ADAMTSL1: variants seen among roughly 807,000 people sequenced by gnomAD.
ADAMTSL1 encodes the protein ADAMTS-like protein 1.
ADAMTSL1 carries 126 observed loss-of-function variants against 201.8 expected under a neutral mutation model. The ratio of observed to expected loss-of-function variants is 0.62; its 90% CI spans 0.54 to 0.72. The LOEUF is 0.72. ADAMTSL1 is among the 30% of genes least tolerant of loss of function. The pLI is 0.00. For missense variants in ADAMTSL1, 2,679 were observed against 2,277.8 expected, an observed-to-expected ratio of 1.18 and a Z score of -3.59; for synonymous variants, 1,121 against 903.4, an observed-to-expected ratio of 1.24 and a Z score of -4.32.
chr9:18,465,117 C>T (rs1050516747), intron 2 of ADAMTSL1, among the ~76,000 whole-genome samples: 1 of 152,198 alleles, frequency 6.6e-6, no homozygotes, highest in African/African-American at 2.4e-5. Context: ...ATTCCACCTA[C>T]ACATGTTTCT....
At chr9:18,480,832 T>C (rs1175789606) in intron 1 of ADAMTSL1, among the ~76,000 whole-genome samples, 3 of 151,990 alleles carry the variant, frequency 2.0e-5, no homozygotes, top group African/African-American at 7.2e-5. Flanking sequence ...ACAGGGAAAA[T>C]AGGAAAATGG....
intron 1 of ADAMTSL1, among the ~76,000 whole-genome samples, chr9:18,141,407 C>T (rs1247576893): frequency 6.6e-6 from 1 of 152,152 alleles, no homozygotes; most frequent in African/African-American, 2.4e-5. Flanking sequence ...CCCCAGAACA[C>T]CAGGCCAGCT....
At chr9:18,682,210 A>G (rs1244642584) in intron 12 of ADAMTSL1, among the ~76,000 whole-genome samples, 1 of 152,194 alleles carries the variant, frequency 6.6e-6, no homozygotes, top group African/African-American at 2.4e-5. Flanking sequence ...TTGTTTGAGG[A>G]CTATTGCTGA....
chr9:18,242,792 G>C (rs1030619392), intron 2 of ADAMTSL1, among the ~76,000 whole-genome samples: 1 of 151,888 alleles, frequency 6.6e-6, no homozygotes, highest in Non-Finnish European at 1.5e-5. Flanking sequence ...ATTTAACCAA[G>C]GAGGTGAACA....
At chr9:18,443,845 G>A (rs1008477864) in intron 2 of ADAMTSL1, among the ~76,000 whole-genome samples, 19 of 152,170 alleles carry the variant, frequency 1.2e-4, no homozygotes, top group African/African-American at 4.6e-4. Context: ...TTGTCAACAT[G>A]CATTTGAATA....
intron 1 of ADAMTSL1, among the ~76,000 whole-genome samples, chr9:18,476,518 T>A (rs1051706877): frequency 2.0e-5 from 3 of 152,192 alleles, no homozygotes; most frequent in African/African-American, 7.2e-5. Flanking sequence ...GCTCATTAAC[T>A]GCCCCCTTTA....
chr9:18,736,210 G>A (rs568166374), intron 15 of ADAMTSL1, among the ~76,000 whole-genome samples: 5 of 152,150 alleles, frequency 3.3e-5, no homozygotes, highest in Admixed American at 6.5e-5. Context: ...CACAAGATGC[G>A]CCCCACTGTC....
At chr9:18,060,088 C>T (rs60685907) in intron 1 of ADAMTSL1, among the ~76,000 whole-genome samples, 1 of 152,070 alleles carries the variant, frequency 6.6e-6, no homozygotes, top group Non-Finnish European at 1.5e-5. Flanking sequence ...TGTGACTTAC[C>T]TATCCTTCCA....
intron 11 of ADAMTSL1, 35 bp downstream of exon 11, chr9:18,680,551 G>C: frequency 6.2e-7 from 1 of 1,606,418 alleles, no homozygotes; most frequent in South Asian, 1.1e-5. Flanking sequence ...CATTAGGAGA[G>C]TAAGTCCACT....
At chr9:18,666,131 C>G (rs977030348) in intron 9 of ADAMTSL1, among the ~76,000 whole-genome samples, 1 of 152,164 alleles carries the variant, frequency 6.6e-6, no homozygotes, top group African/African-American at 2.4e-5. Flanking sequence ...TTTAAGTTCA[C>G]TGGACTATAA....
At chr9:18,907,109 C>A (rs1026875596) in intron 28 of ADAMTSL1, 197 bp downstream of exon 28, 2 of 607,578 alleles carry the variant, frequency 3.3e-6, no homozygotes, top group Admixed American at 3.2e-5. Flanking sequence ...ACAGGGTATG[C>A]CCCAAGGGCT....
rs540028029 is a variant in ADAMTSL1 at position 18,634,896 on chromosome 9, T to G, written c.602-1047T>G. Among the ~76,000 whole-genome samples, 3 of 125,898 alleles carry G rather than the reference T, an allele frequency of 2.4e-5. No individual in the cohort carries two copies. The South Asian group carries it at 7.3e-4, about 31-fold the overall frequency. The allele number at this position is 125,898 out of a possible 152,430, so 82.6% of individuals were successfully genotyped here. A position where few individuals can be genotyped will look rare whatever the true frequency, so the allele number is the denominator to read the frequency against. On this transcript the variant is annotated intron_variant, in intron 5 of 28. Coordinates refer to ENST00000380548, the MANE Select transcript of ADAMTSL1 (RefSeq NM_001040272.6). The stretch of plus-strand genomic sequence containing the variant: ...ATATTTATATATATAAATATGTATG[T>G]AAATATATATTTAATATATATATAT...
At chr9:18,011,044 G>C (rs1375198216) in intron 1 of ADAMTSL1, among the ~76,000 whole-genome samples, 2 of 151,898 alleles carry the variant, frequency 1.3e-5, no homozygotes, top group African/African-American at 4.8e-5. Context: ...GAATTCTTTA[G>C]AACACAGTCT....
At chr9:18,853,889 C>CTGTGTG (rs71333070) in intron 23 of ADAMTSL1, among the ~76,000 whole-genome samples, 1,236 of 120,320 alleles carry the variant, frequency 0.01, 11 homozygotes, top group Middle Eastern at 0.017. Context: ...TATTCACTCT[C>CTGTGTG]TGTGTGTGTG....
Position 18,777,814 on chromosome 9 carries a change from A to G in ADAMTSL1, c.3585A>G (p.Thr1195=). The G allele has an allele frequency of 1.9e-6, 3 of 1,613,724 alleles. No homozygotes were observed. The highest frequency in any genetic ancestry group is 1.7e-6 in the Non-Finnish European group (2 of 1,179,776). ...LGQTVALASG[T]LSVLLHCEAI... ...AGACGGTGGCCCTGGCCAGCGGGAC[A>G]CTGAGTGTTCTTCTGCACTGTGAGG... The change falls in exon 19 of 29, where the codon ACA becomes ACG. Residue 1195 remains threonine, a synonymous_variant. Transcript: ENST00000380548.
At chr9:18,064,859 T>C (rs1047245748) in intron 1 of ADAMTSL1, among the ~76,000 whole-genome samples, 2 of 151,404 alleles carry the variant, frequency 1.3e-5, no homozygotes, top group Non-Finnish European at 2.9e-5. Context: ...AGTCAAGACA[T>C]TGGAACAAAA....
chr9:18,675,833 G>A (rs755897156), intron 9 of ADAMTSL1, 24 bp from the exon 10 acceptor site: 1 of 1,610,412 alleles, frequency 6.2e-7, no homozygotes, highest in Admixed American at 1.7e-5. Context: ...CTACTCAGAG[G>A]GTTGGCATTA....
In ADAMTSL1 at chr9:18,608,528, G is replaced by T. The variant is rs553927350; in HGVS notation, c.475-13715G>T. ...CCTTTCTTTTCATCTCAGCGCCTTT[G>T]AGTGAATTTGCTTTTGTCTAAAATG... On this transcript the variant is annotated intron_variant, in intron 4 of 28. Transcript: ENST00000380548. Among the ~76,000 whole-genome samples the T allele has an allele frequency of 2.0e-5, 3 of 152,264 alleles. No individual in the cohort carries two copies. The South Asian group carries it at 6.2e-4, about 32-fold the overall frequency.
intron 4 of ADAMTSL1, among the ~76,000 whole-genome samples, chr9:18,579,272 A>T (rs1822937421): frequency 6.8e-6 from 1 of 147,030 alleles, no homozygotes. Context: ...GCATATTCTC[A>T]CTCATAGGTG....
Sources: gnomAD v4.1 joint callset for allele counts (sites outside exome capture counted in the v4.1 genomes callset) on GRCh38, gnomAD v4.1.1 for gene constraint, MANE v1.5 for transcripts, NCBI Gene and HGNC (gene_info 2026-07-23, HGNC 2026-07-21) for gene names.